SLC16A2: variants seen among roughly 807,000 people sequenced by gnomAD.
SLC16A2 encodes the protein monocarboxylate transporter 8.
In SLC16A2, 3 loss-of-function variants were observed where a neutral mutation model predicts 27.2. The observed-to-expected ratio is 0.11, with a 90% CI of 0.05 to 0.28. The LOEUF is 0.28. Ranked by LOEUF, SLC16A2 falls within the 10% of genes least tolerant of loss-of-function variation. The probability of loss-of-function intolerance (pLI) is 1.00; values close to 1 mark genes in which losing one functional copy is unlikely to be tolerated. For synonymous variants in SLC16A2, 202 were observed against 187.8 expected (o/e 1.08, Z -0.62); for missense variants, 295 against 458.5 (o/e 0.64, Z 3.26).
Position 74,518,459 on chromosome X carries a change from C to T in SLC16A2, c.431-2531C>T, listed in dbSNP as rs889716238. On this transcript the variant is annotated intron_variant, in intron 1 of 5. Transcript: ENST00000587091. ...AAATACAAAAAATTAGGCATGGTGG[C>T]GTGCGCCTGTAATCCCAGCTACCCG... Among the ~76,000 whole-genome samples, 5 of 110,258 alleles carry T rather than the reference C, an allele frequency of 4.5e-5. No homozygotes were observed. The East Asian group carries it at 8.6e-4, about 19-fold the overall frequency.
At chrX:74,443,497 A>T (rs1179196495) in intron 1 of SLC16A2, among the ~76,000 whole-genome samples, 1 of 111,906 alleles carries the variant, frequency 8.9e-6, no homozygotes, top group African/African-American at 3.3e-5. Context: ...AGTGACCCCC[A>T]GTCAGCTCGG....
chrX:74,472,809 G>A (rs1204737973), intron 1 of SLC16A2, among the ~76,000 whole-genome samples: 1 of 110,256 alleles, frequency 9.1e-6, no homozygotes, highest in African/African-American at 3.3e-5. Context: ...CAGAACAGAA[G>A]CTAAAATAAT....
chrX:74,429,568 G>T (rs182278589), intron 1 of SLC16A2, among the ~76,000 whole-genome samples: 257 of 111,412 alleles, frequency 2.3e-3, no homozygotes, highest in Non-Finnish European at 3.6e-3. Context: ...AAGGGGAAAA[G>T]AAAGGGAAAT....
chrX:74,459,110 A>C (rs73624299), intron 1 of SLC16A2, among the ~76,000 whole-genome samples: 2,466 of 101,300 alleles, frequency 0.024, 85 homozygotes, highest in African/African-American at 0.086. Flanking sequence ...AGTGCCCAGA[A>C]AGCCCAGCTG....
chrX:74,529,503 A>T, intron 5 of SLC16A2, 62 bp downstream of exon 5: 1 of 861,030 alleles, frequency 1.2e-6, no homozygotes, highest in Non-Finnish European at 1.6e-6. Flanking sequence ...GGGTACTGGC[A>T]CTCCTGAGCA....
At chrX:74,434,019 G>A (rs1291634001) in intron 1 of SLC16A2, among the ~76,000 whole-genome samples, 1 of 112,151 alleles carries the variant, frequency 8.9e-6, no homozygotes, top group Non-Finnish European at 1.9e-5. Flanking sequence ...TTCACTAAGT[G>A]TTTGTGCTCT....
rs191538541 is a variant in SLC16A2 at position 74,447,918 on chromosome X, G to A, written c.430+25851G>A. On this transcript the variant is annotated intron_variant, in intron 1 of 5. Coordinates refer to ENST00000587091, the MANE Select transcript of SLC16A2 (RefSeq NM_006517.5). ...GGAGAATCACTTGAACCTGGGAGGC[G>A]GAGGTTGCAGTGAGCTGAGATCCCT... Among the ~76,000 whole-genome samples the A allele has an allele frequency of 3.3e-4, 36 of 108,915 alleles. 1 individual carries two copies. In the East Asian group the frequency reaches 6.5e-3, roughly 20 times the overall value. The allele number at this position is 108,915 out of a possible 115,157, so 94.6% of individuals were successfully genotyped here.
chrX:74,470,655 T>C (rs1929337273), intron 1 of SLC16A2, among the ~76,000 whole-genome samples: 1 of 112,059 alleles, frequency 8.9e-6, no homozygotes, highest in South Asian at 3.7e-4. Flanking sequence ...CCTTTAAAAA[T>C]ATCAAGTTAT....
intron 1 of SLC16A2, among the ~76,000 whole-genome samples, chrX:74,505,649 T>C (rs1003993480): frequency 1.3e-4 from 15 of 112,146 alleles, no homozygotes; most frequent in Non-Finnish European, 1.3e-4. Context: ...GCTCTGAGGA[T>C]CAAAGCCATA....
intron 1 of SLC16A2, among the ~76,000 whole-genome samples, chrX:74,425,098 C>T (rs1415720748): frequency 1.8e-5 from 2 of 111,722 alleles, no homozygotes; most frequent in African/African-American, 6.5e-5. Context: ...AAACTCCTGG[C>T]CTCCAGCAGT....
intron 1 of SLC16A2, among the ~76,000 whole-genome samples, chrX:74,502,217 G>T (rs919271941): frequency 9.0e-6 from 1 of 111,652 alleles, no homozygotes; most frequent in Non-Finnish European, 1.9e-5. Context: ...TCACTGTGTT[G>T]TTATTCCAAA....
rs768638714 is a variant in SLC16A2, at chrX:74,454,669, T to C, written c.430+32602T>C. On this transcript the variant is annotated intron_variant, in intron 1 of 5. Coordinates refer to ENST00000587091, the MANE Select transcript of SLC16A2 (RefSeq NM_006517.5). ...GTGCAGCACACCAACATGGCACATG[T>C]ATACATATATGACAAACCTGCACGT... 4.5e-5 allele frequency among the ~76,000 whole-genome samples: 5 copies of C among 110,049 alleles called. No homozygotes were observed. The Admixed American group carries it at 4.8e-4, about 11-fold the overall frequency.
At chrX:74,497,118 G>T (rs1404612506) in intron 1 of SLC16A2, among the ~76,000 whole-genome samples, 1 of 111,874 alleles carries the variant, frequency 8.9e-6, no homozygotes, top group Non-Finnish European at 1.9e-5. Flanking sequence ...CAGGCCAGGG[G>T]AGGTCTTGGG....
intron 1 of SLC16A2, among the ~76,000 whole-genome samples, chrX:74,433,563 T>C (rs1928571220): frequency 9.0e-6 from 1 of 111,139 alleles, no homozygotes; most frequent in Non-Finnish European, 1.9e-5. Context: ...TTTATGATCA[T>C]GTGTATTCAA....
chrX:74,532,369 T>C lies in SLC16A2; in HGVS notation c.*816T>C, dbSNP rs922057559. On this transcript the variant is annotated 3_prime_UTR_variant, in exon 6 of 6. Coordinates refer to ENST00000587091, the MANE Select transcript of SLC16A2 (RefSeq NM_006517.5). ...ATAATCCTAGACTGGAAGAGTAGAATATCATATAGGGAAGAAACCTTAAAC... is the reference window on the plus strand; with the variant it reads ...ATAATCCTAGACTGGAAGAGTAGAACATCATATAGGGAAGAAACCTTAAAC... 1.8e-5 allele frequency: 2 copies of C among 112,331 alleles called. No homozygotes were observed. Among genetic ancestry groups the C allele is most frequent in the African/African-American group, 6.5e-5 (2 of 30,734 alleles). The allele number at this position is 112,331 out of a possible 1,213,427, so 9.3% of individuals were successfully genotyped here.
intron 1 of SLC16A2, among the ~76,000 whole-genome samples, chrX:74,439,131 TTC>T (rs1314003548): frequency 1.5e-4 from 16 of 107,857 alleles, no homozygotes; most frequent in South Asian, 4.1e-4. Flanking sequence ...CTCCCTCTCA[TTC>T]TCTCTCTCTC....
At chrX:74,456,575 T>TA (rs1929045022) in intron 1 of SLC16A2, among the ~76,000 whole-genome samples, 1 of 111,890 alleles carries the variant, frequency 8.9e-6, no homozygotes, top group South Asian at 3.7e-4. Flanking sequence ...AGAATAATAA[T>TA]AAACTCATGT....
chrX:74,444,430 C>G (rs1432697605), intron 1 of SLC16A2, among the ~76,000 whole-genome samples: 1 of 110,289 alleles, frequency 9.1e-6, no homozygotes, highest in South Asian at 4.0e-4. Flanking sequence ...GCACCATATT[C>G]TGCCCCTGAC....
intron 4 of SLC16A2, among the ~76,000 whole-genome samples, chrX:74,527,588 C>T (rs1930503208): frequency 1.8e-5 from 2 of 112,286 alleles, no homozygotes; most frequent in African/African-American, 6.5e-5. Flanking sequence ...AAGGAAATAG[C>T]GACAGGCTGC....
Sources: allele counts gnomAD v4.1 joint callset (sites outside exome capture counted in the v4.1 genomes callset), GRCh38; gene constraint gnomAD v4.1.1; transcripts MANE v1.5; gene names NCBI Gene and HGNC (gene_info 2026-07-23, HGNC 2026-07-21).